ABCC8: variants seen among roughly 807,000 people sequenced by gnomAD.
The protein encoded by ABCC8 is ATP-binding cassette sub-family C member 8.
ABCC8 carries 137 observed loss-of-function variants against 188.0 expected under a neutral mutation model. The ratio of observed to expected loss-of-function variants is 0.73; its 90% CI spans 0.63 to 0.84. The LOEUF (loss-of-function observed/expected upper bound fraction) is 0.84. Ranked by LOEUF, ABCC8 falls within the 40% of genes least tolerant of loss-of-function variation. ABCC8 has a pLI of 0.00. For synonymous variants in ABCC8, 797 were observed against 846.5 expected (o/e 0.94, Z 1.01); for missense variants, 1,750 against 2,072.7 (o/e 0.84, Z 3.02).
chr11:17,447,735 G>A (rs1247679535), intron 8 of ABCC8, among the ~76,000 whole-genome samples: 1 of 152,136 alleles, frequency 6.6e-6, no homozygotes, highest in African/African-American at 2.4e-5. Flanking sequence ...GAGTAGCTGG[G>A]GCTATAGTTG....
intron 6 of ABCC8, among the ~76,000 whole-genome samples, chr11:17,460,028 C>T (rs1957128504): frequency 6.6e-6 from 1 of 152,098 alleles, no homozygotes; most frequent in Non-Finnish European, 1.5e-5. Context: ...GTGAGGGTTT[C>T]CCACTTCTCT....
At chr11:17,437,928 G>C (rs1445691760) in intron 10 of ABCC8, among the ~76,000 whole-genome samples, 1 of 152,174 alleles carries the variant, frequency 6.6e-6, no homozygotes, top group Admixed American at 6.5e-5. Flanking sequence ...GCGAAACCCT[G>C]TCTCTACTAA....
chr11:17,403,241 G>A (rs1260692863), intron 28 of ABCC8, among the ~76,000 whole-genome samples: 4 of 152,194 alleles, frequency 2.6e-5, no homozygotes, highest in East Asian at 3.8e-4. Flanking sequence ...GTTTCGTCTC[G>A]GGGTAAGGCC....
chr11:17,435,838 G>A (rs1956070122), intron 10 of ABCC8: 15 of 1,233,286 alleles, frequency 1.2e-5, no homozygotes, highest in South Asian at 1.2e-4. Flanking sequence ...AAACTTAGCT[G>A]TGTGGATCAG....
chr11:17,413,195 G>A (rs565132392), intron 20 of ABCC8, among the ~76,000 whole-genome samples, 199 bp downstream of exon 20: 1 of 152,316 alleles, frequency 6.6e-6, no homozygotes, highest in Admixed American at 6.5e-5. Flanking sequence ...AGGGCACTAA[G>A]CTGACCTTGC....
intron 17 of ABCC8, 42 bp from the exon 18 acceptor site, chr11:17,415,381 T>C: frequency 6.2e-7 from 1 of 1,601,568 alleles, no homozygotes; most frequent in Non-Finnish European, 8.5e-7. Flanking sequence ...CTCATGGGAG[T>C]GAACCATATC....
rs535141079 is a variant in ABCC8 at position 17,461,670 on chromosome 11, G to A, written c.735C>T (p.Ile245=). 5.6e-5 allele frequency: 90 copies of A among 1,614,226 alleles called. No individual in the cohort carries two copies. In the South Asian group the frequency reaches 6.3e-4, roughly 11 times the overall value. The change falls in exon 5 of 39, where the codon ATC becomes ATT. Residue 245 remains isoleucine (I), a synonymous_variant. Coordinates refer to ENST00000389817, the MANE Select transcript of ABCC8 (RefSeq NM_000352.6). Reference sequence around the variant, plus strand: ...GCAGCTTCCCGATGGCTCGCAAGTCGATGGGCTTCTTGTGGGCAGTCTTGA... The same window carrying A: ...GCAGCTTCCCGATGGCTCGCAAGTCAATGGGCTTCTTGTGGGCAGTCTTGA... ...AFIKTAHKKP[I]DLRAIGKLPI...
At chr11:17,435,564 T>A in intron 10 of ABCC8, 1 of 1,329,574 alleles carries the variant, frequency 7.5e-7, no homozygotes, top group Admixed American at 1.7e-5. Flanking sequence ...CACAAAAGGA[T>A]TTAAACAAAT....
At position 17,404,439 on chromosome 11, in the gene ABCC8, A is replaced by G; in HGVS notation, c.3557+73T>C. ...GGAACACGACCCTATTACTCTCATA[A>G]CGATGAGTCTAGCAAGTACACCAAA... On this transcript the variant is annotated intron_variant, in intron 28 of 38. Transcript: ENST00000389817. The surrounding 1 kb of genome is among the most constrained non-coding windows in gnomAD (Gnocchi z 4.7). 2.7e-6 allele frequency: 4 copies of G among 1,464,154 alleles called. No individual in the cohort carries two copies. Among genetic ancestry groups the G allele is most frequent in the Non-Finnish European group, 3.8e-6 (4 of 1,043,762 alleles). The allele number at this position is 1,464,154 out of a possible 1,614,324, so 90.7% of individuals were successfully genotyped here. A position where few individuals can be genotyped will look rare whatever the true frequency, so the allele number is the denominator to read the frequency against.
intron 12 of ABCC8, chr11:17,430,581 CA>C: frequency 1.8e-6 from 1 of 566,376 alleles, no homozygotes; most frequent in South Asian, 2.0e-5. Flanking sequence ...GTGAAAGTGA[CA>C]GTGAGTCCCC....
chr11:17,443,570 G>A (rs1956408848), intron 8 of ABCC8: 1 of 506,090 alleles, frequency 2.0e-6, no homozygotes, highest in South Asian at 2.0e-5. Flanking sequence ...AAGGCTGGTT[G>A]AAGCCTTAAC....
intron 2 of ABCC8, among the ~76,000 whole-genome samples, chr11:17,470,603 A>G (rs1213728250): frequency 6.6e-6 from 1 of 152,200 alleles, no homozygotes; most frequent in Admixed American, 6.5e-5. Flanking sequence ...GTCAGTATTT[A>G]TGGAGCATTT....
chr11:17,461,481 T>A (rs1235025708), intron 5 of ABCC8, 102 bp downstream of exon 5: 1 of 1,495,834 alleles, frequency 6.7e-7, no homozygotes, highest in African/African-American at 1.4e-5. Flanking sequence ...CAGTTTCCCC[T>A]CTTGTCCCAC....
downstream of ABCC8, chr11:17,392,627 G>C (rs1233507556): frequency 2.7e-6 from 1 of 366,116 alleles, no homozygotes; most frequent in Non-Finnish European, 5.3e-6. Context: ...AAGGAGAGAG[G>C]CCTCAGGAGA....
intron 10 of ABCC8, among the ~76,000 whole-genome samples, chr11:17,432,714 T>G (rs1955904298): frequency 6.6e-6 from 1 of 152,184 alleles, no homozygotes; most frequent in African/African-American, 2.4e-5. Flanking sequence ...TCATTCTCAC[T>G]GAGGTATTAG....
chr11:17,428,344 G>A lies in ABCC8; in HGVS notation c.1985C>T (p.Pro662Leu), dbSNP rs1272221863. The change falls in exon 14 of 39, where the codon CCA becomes CTA. Residue 662 changes from proline (P) to leucine (L), a missense_variant. Transcript: ENST00000389817. ...AREDCRGLTGPLQSLVPSADG... is the reference protein window; with the variant it reads ...AREDCRGLTGLLQSLVPSADG... ...TGCACTGGGGACCAGGCTCTGCAGT[G>A]GGCCGGTGAGGCCCCGACAATCCTC... is the stretch of plus-strand genomic sequence containing the variant. 1 of 1,614,160 alleles carries A rather than the reference G, an allele frequency of 6.2e-7. No homozygotes were observed. Among genetic ancestry groups the A allele is most frequent in the South Asian group, 1.1e-5 (1 of 91,084 alleles).
At chr11:17,431,015 C>A in intron 11 of ABCC8, 56 bp from the exon 12 acceptor site, 2 of 1,599,416 alleles carry the variant, frequency 1.3e-6, no homozygotes, top group East Asian at 4.5e-5. Context: ...GTCCCTCCCA[C>A]ACTGGAAACG....
Position 17,404,753 on chromosome 11 carries a change from C to T in ABCC8, c.3400-84G>A. On this transcript the variant is annotated intron_variant, in intron 27 of 38. Transcript: ENST00000389817. This position sits in a 1 kb window ranked among gnomAD's most constrained non-coding sequence, Gnocchi z 4.7. The stretch of plus-strand genomic sequence containing the variant: ...GCTACTGGCCGCCATGTTTTGCTCT[C>T]ACTTTATTTTTTGATCCTTTATTTT... 1 of 1,533,492 alleles carries T rather than the reference C, an allele frequency of 6.5e-7. No homozygotes were observed. The highest frequency in any genetic ancestry group is 2.0e-5 in the Admixed American group (1 of 50,908). The allele number at this position is 1,533,492 out of a possible 1,614,324, so 95.0% of individuals were successfully genotyped here.
chr11:17,470,013 G>T, intron 3 of ABCC8, 88 bp downstream of exon 3: 2 of 1,512,978 alleles, frequency 1.3e-6, no homozygotes, highest in Non-Finnish European at 1.8e-6. Flanking sequence ...ACTGTTTAGA[G>T]CAATAGCTGG....
Sources: gnomAD v4.1 joint callset for allele counts (sites outside exome capture counted in the v4.1 genomes callset) on GRCh38, gnomAD v4.1.1 for gene constraint, Gnocchi (gnomAD v3.1) non-coding constraint, MANE v1.5 for transcripts, NCBI Gene and HGNC (gene_info 2026-07-23, HGNC 2026-07-21) for gene names.